GRID2: variants seen among roughly 807,000 people sequenced by gnomAD.
The protein encoded by GRID2 is glutamate receptor ionotropic, delta-2.
Under a neutral mutation model 114.8 loss-of-function variants are expected in GRID2, and 33 were observed. That is an observed-to-expected ratio of 0.29 (90% CI 0.22 to 0.38). The LOEUF (loss-of-function observed/expected upper bound fraction) is 0.38. GRID2 is among the 10% of genes least tolerant of loss of function. GRID2 has a pLI of 1.00. For synonymous variants in GRID2, 505 were observed against 449.9 expected (o/e 1.12, Z -1.55); for missense variants, 1,184 against 1,257.7 (o/e 0.94, Z 0.89).
At chr4:92,983,271 C>T (rs1754326098) in intron 2 of GRID2, among the ~76,000 whole-genome samples, 1 of 151,990 alleles carries the variant, frequency 6.6e-6, no homozygotes, top group Non-Finnish European at 1.5e-5. Context: ...TTCCCAGCAC[C>T]TGGAGAGGAA....
At chr4:92,585,555 A>T (rs1397190314) in intron 1 of GRID2, among the ~76,000 whole-genome samples, 1 of 152,120 alleles carries the variant, frequency 6.6e-6, no homozygotes, top group East Asian at 1.9e-4. Flanking sequence ...CTTGGTTTCA[A>T]TATTTAGAGT....
At chr4:92,707,876 T>A (rs1385335412) in intron 2 of GRID2, among the ~76,000 whole-genome samples, 2 of 152,182 alleles carry the variant, frequency 1.3e-5, no homozygotes, top group Admixed American at 6.5e-5. Flanking sequence ...GAGTGATGAA[T>A]TCTGTGAGAG....
chr4:93,031,032 A>ATTTTTTT (rs576187018), intron 2 of GRID2, among the ~76,000 whole-genome samples: 1 of 106,208 alleles, frequency 9.4e-6, no homozygotes, highest in Non-Finnish European at 1.8e-5. Context: ...TCCAATCTCC[A>ATTTTTTT]TTTTTTTTTT....
intron 1 of GRID2, among the ~76,000 whole-genome samples, chr4:92,473,238 C>A (rs952508373): frequency 6.6e-6 from 1 of 152,036 alleles, no homozygotes; most frequent in African/African-American, 2.4e-5. Context: ...CTCCATTCTA[C>A]TTTATTGCTT....
chr4:92,457,663 A>G (rs906255347), intron 1 of GRID2, among the ~76,000 whole-genome samples: 1 of 152,156 alleles, frequency 6.6e-6, no homozygotes, highest in Non-Finnish European at 1.5e-5. Flanking sequence ...GGACAGGAAC[A>G]TTATATGTGT....
At chr4:92,838,654 T>C (rs1192434744) in intron 2 of GRID2, 10 of 152,144 alleles carry the variant, frequency 6.6e-5, no homozygotes, top group African/African-American at 1.9e-4. Context: ...AAAATAACTT[T>C]AATATTTTAA....
chr4:92,588,696 A>G (rs1173544136), intron 1 of GRID2, among the ~76,000 whole-genome samples: 2 of 151,612 alleles, frequency 1.3e-5, no homozygotes, highest in Admixed American at 1.3e-4. Flanking sequence ...AAAAAAAAAA[A>G]AAAAAAATTC....
At chr4:92,883,438 C>T (rs916004793) in intron 2 of GRID2, among the ~76,000 whole-genome samples, 10 of 152,094 alleles carry the variant, frequency 6.6e-5, no homozygotes, top group African/African-American at 2.4e-4. Context: ...ATATTTTGAC[C>T]TCCTTTCATG....
At chr4:92,873,705 T>A (rs1745434481) in intron 2 of GRID2, among the ~76,000 whole-genome samples, 1 of 152,092 alleles carries the variant, frequency 6.6e-6, no homozygotes. Context: ...ATTGAGGTTT[T>A]TTTGTTTGTT....
chr4:93,696,702 A>G (rs969488418), intron 14 of GRID2, among the ~76,000 whole-genome samples: 1 of 152,184 alleles, frequency 6.6e-6, no homozygotes, highest in Non-Finnish European at 1.5e-5. Flanking sequence ...TTGAAACTAG[A>G]AGTGCAATAC....
intron 13 of GRID2, among the ~76,000 whole-genome samples, chr4:93,594,239 A>G (rs1338243669): frequency 6.6e-6 from 1 of 151,972 alleles, no homozygotes; most frequent in South Asian, 2.1e-4. Context: ...TTTGGTGTGG[A>G]TGTCCTTTCT....
chr4:93,390,614 A>G (rs1442574579), intron 8 of GRID2, among the ~76,000 whole-genome samples: 1 of 152,160 alleles, frequency 6.6e-6, no homozygotes, highest in Non-Finnish European at 1.5e-5. Flanking sequence ...CTGAACTGGT[A>G]TGCTATATTG....
At chr4:93,221,035 C>T (rs572546436) in intron 6 of GRID2, among the ~76,000 whole-genome samples, 1 of 152,264 alleles carries the variant, frequency 6.6e-6, no homozygotes, top group South Asian at 2.1e-4. Flanking sequence ...CCTGGTTTGA[C>T]AGCTGTTCAG....
At chr4:93,360,310 C>A (rs546612295) in intron 8 of GRID2, among the ~76,000 whole-genome samples, 7 of 151,842 alleles carry the variant, frequency 4.6e-5, no homozygotes, top group Non-Finnish European at 7.4e-5. Flanking sequence ...CTCTATCTTG[C>A]GAAATAATGT....
At chr4:93,014,944 C>T (rs1269322754) in intron 2 of GRID2, among the ~76,000 whole-genome samples, 1 of 151,896 alleles carries the variant, frequency 6.6e-6, no homozygotes. Context: ...ATTCATTTCA[C>T]TGGAAAAATA....
rs988167538 is a variant in GRID2, at chr4:93,388,009, C to T, written c.1246-7598C>T. ...ACAAAACAGTAATTTTTCTTGAACA[C>T]GTGGAAATTTATAGATAATTGCTGC... On this transcript the variant is annotated intron_variant, in intron 8 of 15. Coordinates refer to ENST00000282020, the MANE Select transcript of GRID2 (RefSeq NM_001510.4). 3.9e-5 allele frequency among the ~76,000 whole-genome samples: 6 copies of T among 151,986 alleles called. No individual in the cohort carries two copies. In the South Asian group the frequency reaches 6.2e-4, roughly 16 times the overall value.
At chr4:92,968,774 C>A (rs1221040793) in intron 2 of GRID2, among the ~76,000 whole-genome samples, 1 of 151,838 alleles carries the variant, frequency 6.6e-6, no homozygotes, top group African/African-American at 2.4e-5. Flanking sequence ...CCCTAGGCAA[C>A]CACTAATCTA....
At chr4:92,760,566 A>G (rs890409736) in intron 2 of GRID2, among the ~76,000 whole-genome samples, 3 of 152,136 alleles carry the variant, frequency 2.0e-5, no homozygotes, top group African/African-American at 7.2e-5. Context: ...TACTGTGACT[A>G]TATCACAGCC....
At chr4:93,317,048 C>A (rs1468629923) in intron 8 of GRID2, among the ~76,000 whole-genome samples, 1 of 152,040 alleles carries the variant, frequency 6.6e-6, no homozygotes, top group African/African-American at 2.4e-5. Flanking sequence ...ATAGGTTAAG[C>A]ATTGCAGGAT....
Sources: allele counts gnomAD v4.1 joint callset (sites outside exome capture counted in the v4.1 genomes callset), GRCh38; gene constraint gnomAD v4.1.1; transcripts MANE v1.5; gene names NCBI Gene and HGNC (gene_info 2026-07-23, HGNC 2026-07-21).